STON1: variants seen among roughly 807,000 people sequenced by gnomAD.
The protein encoded by STON1 is stonin 1, also known as stonin-1.
STON1 carries 79 observed loss-of-function variants against 60.9 expected under a neutral mutation model. The ratio of observed to expected loss-of-function variants is 1.30; its 90% CI spans 1.08 to 1.56. The LOEUF is 1.56. Ranked by LOEUF, STON1 falls within the 40% of genes most tolerant of loss-of-function variation. STON1 has a pLI of 0.00. For synonymous variants in STON1, 363 were observed against 306.9 expected, an observed-to-expected ratio of 1.18 and a Z score of -1.91; for missense variants, 1,166 against 858.9, an observed-to-expected ratio of 1.36 and a Z score of -4.47.
intron 1 of STON1, among the ~76,000 whole-genome samples, chr2:48,549,786 C>T (rs756993935): frequency 7.2e-4 from 106 of 146,930 alleles, no homozygotes; most frequent in Middle Eastern, 3.4e-3. Flanking sequence ...GCACTCCAGC[C>T]CGGACGACAG....
intron 1 of STON1, among the ~76,000 whole-genome samples, chr2:48,572,201 G>C (rs901026896): frequency 2.0e-5 from 3 of 152,124 alleles, no homozygotes; most frequent in African/African-American, 7.2e-5. Context: ...AAGATAGCAA[G>C]AGATTGAAGA....
At chr2:48,584,728 G>A (rs1303684600) in intron 2 of STON1, among the ~76,000 whole-genome samples, 1 of 152,200 alleles carries the variant, frequency 6.6e-6, no homozygotes, top group Non-Finnish European at 1.5e-5. Context: ...GGTGTAGCCA[G>A]AGGGAAGAAC....
intron 2 of STON1, among the ~76,000 whole-genome samples, chr2:48,591,409 C>G (rs2103957429): frequency 6.6e-6 from 1 of 151,748 alleles, no homozygotes; most frequent in South Asian, 2.1e-4. Flanking sequence ...TTTTGCCATT[C>G]TTATTCAAAA....
At chr2:48,537,020 T>C (rs1197931975) in intron 1 of STON1, among the ~76,000 whole-genome samples, 1 of 152,246 alleles carries the variant, frequency 6.6e-6, no homozygotes, top group Admixed American at 6.5e-5. Context: ...ATAGTCTGCA[T>C]ATAGATAATT....
intron 1 of STON1, among the ~76,000 whole-genome samples, chr2:48,540,295 T>A (rs910694978): frequency 1.3e-5 from 2 of 152,176 alleles, no homozygotes; most frequent in Non-Finnish European, 2.9e-5. Context: ...TGTTACAGTT[T>A]TTGTTGTTAT....
At chr2:48,584,058 A>T (rs1209604563) in intron 2 of STON1, among the ~76,000 whole-genome samples, 4 of 151,928 alleles carry the variant, frequency 2.6e-5, no homozygotes, top group African/African-American at 9.7e-5. Flanking sequence ...CCATCCATCC[A>T]AATCTTTACT....
At position 48,579,349 on chromosome 2, in the gene STON1, C is replaced by A. The variant is rs757112261; in HGVS notation, c.-47-1238C>A. ...TTTGAGACGGAGTCTCACTGTGTTGCCCAGGCTGGAGTGCAGTGGCGCATT... is the reference window on the plus strand; with the variant it reads ...TTTGAGACGGAGTCTCACTGTGTTGACCAGGCTGGAGTGCAGTGGCGCATT... On this transcript the variant is annotated intron_variant, in intron 1 of 3. Coordinates refer to ENST00000404752, the MANE Select transcript of STON1 (RefSeq NM_006873.4). Among the ~76,000 whole-genome samples, 86 of 151,526 alleles carry A rather than the reference C, an allele frequency of 5.7e-4. 3 individuals carry two copies. The highest frequency in any genetic ancestry group is 3.9e-4 in the Admixed American group (6 of 15,222).
intron 1 of STON1, among the ~76,000 whole-genome samples, chr2:48,561,846 A>G (rs1478832600): frequency 6.6e-6 from 1 of 152,090 alleles, no homozygotes. Context: ...ACATGTATGA[A>G]GTTCCCACAT....
chr2:48,584,729 AG>A (rs1365898795), intron 2 of STON1, among the ~76,000 whole-genome samples: 1 of 152,204 alleles, frequency 6.6e-6, no homozygotes, highest in African/African-American at 2.4e-5. Flanking sequence ...GTGTAGCCAG[AG>A]GGAAGAACAC....
At chr2:48,553,989 G>A (rs1472735098) in intron 1 of STON1, among the ~76,000 whole-genome samples, 7 of 152,226 alleles carry the variant, frequency 4.6e-5, no homozygotes, top group Admixed American at 2.0e-4. Flanking sequence ...TCTGTGTGCT[G>A]TGAGCAGGAA....
chr2:48,562,090 A>T (rs780738402), intron 1 of STON1, among the ~76,000 whole-genome samples: 27 of 152,160 alleles, frequency 1.8e-4, no homozygotes, highest in Non-Finnish European at 3.4e-4. Context: ...CTAACTCCTG[A>T]CCTTAAGTAA....
At chr2:48,594,686 G>A (rs1019209692) in intron 3 of STON1, among the ~76,000 whole-genome samples, 4 of 152,176 alleles carry the variant, frequency 2.6e-5, no homozygotes, top group Non-Finnish European at 5.9e-5. Flanking sequence ...ACCTCCAGGA[G>A]GATGTGACAT....
In STON1 at chr2:48,591,868, A is replaced by C; in HGVS notation, c.2133+13A>C. 6.2e-7 allele frequency: 1 copy of C among 1,612,222 alleles called. No homozygotes were observed. ...CTACAACATCCAGGTACATCCCAAA[A>C]CTTCTAGAACTGTGACCTGATTTGG... is the stretch of plus-strand genomic sequence containing the variant. On this transcript the variant is annotated intron_variant, in intron 3 of 3. Transcript: ENST00000404752.
At chr2:48,535,318 A>T (rs1363754922) in intron 1 of STON1, among the ~76,000 whole-genome samples, 1 of 152,190 alleles carries the variant, frequency 6.6e-6, no homozygotes, top group Non-Finnish European at 1.5e-5. Flanking sequence ...TATGTGGGTG[A>T]TCCCATGCAT....
chr2:48,570,845 T>TG, intron 1 of STON1, among the ~76,000 whole-genome samples: 2 of 81,208 alleles, frequency 2.5e-5, no homozygotes, highest in African/African-American at 4.8e-5. Context: ...GTCTCTGAGT[T>TG]TTTTTTTTTT....
chr2:48,562,210 G>T (rs1672641690), intron 1 of STON1, among the ~76,000 whole-genome samples: 1 of 152,198 alleles, frequency 6.6e-6, no homozygotes, highest in Non-Finnish European at 1.5e-5. Flanking sequence ...GACATCTGCA[G>T]GTGCTGTTCT....
intron 1 of STON1, among the ~76,000 whole-genome samples, chr2:48,564,480 T>TTCCTTCTTCTTCTTCTTC (rs1558604783): frequency 3.1e-5 from 1 of 32,480 alleles, no homozygotes; most frequent in African/African-American, 1.2e-4. Context: ...CTTCTTCTTC[T>TTCCTTCTTCTTCTTCTTC]TTCTTCTTCT....
intron 1 of STON1, among the ~76,000 whole-genome samples, chr2:48,551,685 G>C (rs1193209242): frequency 2.6e-5 from 4 of 152,212 alleles, no homozygotes; most frequent in Non-Finnish European, 5.9e-5. Flanking sequence ...CCTTGGCATG[G>C]CTCTTGCCTT....
At chr2:48,566,888 G>T (rs547190840) in intron 1 of STON1, among the ~76,000 whole-genome samples, 1 of 152,170 alleles carries the variant, frequency 6.6e-6, no homozygotes, top group Admixed American at 6.6e-5. Context: ...TGTTCAAGTC[G>T]TTACAGGCTG....
Sources: allele counts gnomAD v4.1 joint callset (sites outside exome capture counted in the v4.1 genomes callset), GRCh38; gene constraint gnomAD v4.1.1; transcripts MANE v1.5; gene names NCBI Gene and HGNC (gene_info 2026-07-23, HGNC 2026-07-21).